The following POU6F2 variants were observed in gnomAD, a reference collection of about 807,000 sequenced individuals.
The protein encoded by POU6F2 is POU domain, class 6, transcription factor 2.
In POU6F2, 31 loss-of-function variants were observed where a neutral mutation model predicts 71.3. That is an observed-to-expected ratio of 0.43 (90% CI 0.33 to 0.59). POU6F2 has a LOEUF of 0.59. POU6F2 is among the 20% of genes least tolerant of loss of function. The pLI, the probability that POU6F2 is intolerant of heterozygous loss-of-function variation, is 0.04. For synonymous variants in POU6F2, 347 were observed against 355.7 expected (o/e 0.98, Z 0.27); for missense variants, 783 against 856.8 (o/e 0.91, Z 1.07).
intron 1 of POU6F2, chr7:39,002,220 T>C (rs750221693): frequency 1.1e-4 from 16 of 152,218 alleles, no homozygotes; most frequent in Non-Finnish European, 1.9e-4. Context: ...TAATGAATTC[T>C]AGGAGAAACA....
chr7:39,419,176 CGT>C lies in POU6F2; in HGVS notation c.1113+12437_1113+12438del, dbSNP rs1209199169. 1.5e-3 allele frequency among the ~76,000 whole-genome samples: 212 copies of C among 137,938 alleles called. 1 individual carries two copies. Among genetic ancestry groups the C allele is most frequent in the African/African-American group, 5.5e-3 (196 of 35,928 alleles). 90.5% of individuals were successfully genotyped at this position (137,938 alleles called of 152,430 possible). A position where few individuals can be genotyped will look rare whatever the true frequency, so the allele number is the denominator to read the frequency against. On this transcript the variant is annotated intron_variant, in intron 6 of 9. Transcript: ENST00000518318. ...ATGTGTATATATACACATATATATACGTATATATGTATATATTTTTTAACCCA... is the reference window on the plus strand; with the variant it reads ...ATGTGTATATATACACATATATATACATATATGTATATATTTTTTAACCCA...
chr7:39,109,631 T>C (rs1208137786), intron 2 of POU6F2, among the ~76,000 whole-genome samples: 2 of 152,184 alleles, frequency 1.3e-5, no homozygotes, highest in Non-Finnish European at 2.9e-5. Context: ...AAGTATTGTT[T>C]AGTTTGATAG....
chr7:39,456,403 T>G (rs1231290979), intron 8 of POU6F2, among the ~76,000 whole-genome samples: 1 of 152,102 alleles, frequency 6.6e-6, no homozygotes, highest in African/African-American at 2.4e-5. Context: ...AGCTGAAAAG[T>G]ATATATTCCT....
intron 5 of POU6F2, among the ~76,000 whole-genome samples, chr7:39,361,286 G>A (rs768208208): frequency 2.6e-5 from 4 of 152,160 alleles, no homozygotes; most frequent in Non-Finnish European, 4.4e-5. Context: ...TAAAACTCAG[G>A]TATTGTACTC....
intron 4 of POU6F2, among the ~76,000 whole-genome samples, chr7:39,303,296 C>T (rs1784986670): frequency 6.6e-6 from 1 of 152,080 alleles, no homozygotes; most frequent in African/African-American, 2.4e-5. Flanking sequence ...TATAGGCACC[C>T]TCCGCCGCGC....
intron 6 of POU6F2, among the ~76,000 whole-genome samples, chr7:39,412,878 G>A (rs1341811881): frequency 7.7e-6 from 1 of 129,228 alleles, no homozygotes; most frequent in East Asian, 2.6e-4. Context: ...TTGGCTCACT[G>A]CAAGCTCCGC....
chr7:39,050,426 G>A (rs1790381037), intron 1 of POU6F2, among the ~76,000 whole-genome samples: 1 of 152,102 alleles, frequency 6.6e-6, no homozygotes, highest in African/African-American at 2.4e-5. Context: ...AAAACACAGA[G>A]GTTCCTGGTA....
chr7:39,363,962 G>T (rs1266999441), intron 5 of POU6F2, among the ~76,000 whole-genome samples: 1 of 152,128 alleles, frequency 6.6e-6, no homozygotes, highest in Non-Finnish European at 1.5e-5. Context: ...GCCAACAAAT[G>T]GCATAATAGC....
chr7:38,989,491 T>C (rs1400728982), intron 1 of POU6F2, among the ~76,000 whole-genome samples: 1 of 152,070 alleles, frequency 6.6e-6, no homozygotes, highest in Non-Finnish European at 1.5e-5. Context: ...TTTGGGATTA[T>C]AAAATAGCAT....
chr7:39,445,245 C>G, intron 7 of POU6F2, among the ~76,000 whole-genome samples: 1 of 152,164 alleles, frequency 6.6e-6, no homozygotes, highest in East Asian at 1.9e-4. Context: ...TCTCAAGCCA[C>G]CCAGAATGAG....
chr7:39,137,474 A>G (rs1348165959), intron 2 of POU6F2, among the ~76,000 whole-genome samples: 1 of 152,240 alleles, frequency 6.6e-6, no homozygotes, highest in Non-Finnish European at 1.5e-5. Context: ...TATTTGCTAT[A>G]CAATTCCATC....
At chr7:39,284,721 A>G (rs992121346) in intron 4 of POU6F2, among the ~76,000 whole-genome samples, 1 of 152,232 alleles carries the variant, frequency 6.6e-6, no homozygotes, top group Admixed American at 6.5e-5. Context: ...CATTAAAATC[A>G]TAGCAGGTTT....
rs1217746237 is a variant in POU6F2 at position 39,015,784 on chromosome 7, GTATAT to G, written c.105+37732_105+37736del. Among the ~76,000 whole-genome samples, 283 of 83,560 alleles carry G rather than the reference GTATAT, an allele frequency of 3.4e-3. 5 individuals are homozygous for G. The highest frequency in any genetic ancestry group is 0.013 in the African/African-American group (271 of 20,204). 54.8% of individuals were successfully genotyped at this position (83,560 alleles called of 152,430 possible). A position where few individuals can be genotyped will look rare whatever the true frequency, so the allele number is the denominator to read the frequency against. The stretch of plus-strand genomic sequence containing the variant: ...AGATATATTATATATATTATATATG[GTATAT>G]TATATATAGATATATATTATATAGG... On this transcript the variant is annotated intron_variant, in intron 1 of 9. Coordinates refer to ENST00000518318, the MANE Select transcript of POU6F2 (RefSeq NM_001370959.1).
intron 5 of POU6F2, among the ~76,000 whole-genome samples, chr7:39,378,515 G>C (rs946726280): frequency 6.6e-6 from 1 of 152,140 alleles, no homozygotes; most frequent in Non-Finnish European, 1.5e-5. Flanking sequence ...GGAAGAGCGT[G>C]AACCAAGAGT....
chr7:39,313,357 C>CA (rs903802071), intron 4 of POU6F2, among the ~76,000 whole-genome samples: 4 of 152,056 alleles, frequency 2.6e-5, no homozygotes, highest in Non-Finnish European at 4.4e-5. Flanking sequence ...CCAATACCCC[C>CA]AACACCCTCT....
At chr7:39,331,573 T>G (rs545537778) in intron 4 of POU6F2, among the ~76,000 whole-genome samples, 1 of 152,286 alleles carries the variant, frequency 6.6e-6, no homozygotes, top group South Asian at 2.1e-4. Context: ...AGTGGTGCGA[T>G]CTCGGCTCAC....
intron 2 of POU6F2, among the ~76,000 whole-genome samples, chr7:39,181,705 C>A (rs1317804484): frequency 6.6e-6 from 1 of 152,144 alleles, no homozygotes; most frequent in African/African-American, 2.4e-5. Flanking sequence ...TCACAACCAC[C>A]CCTCTCCAAC....
At chr7:39,337,455 T>G (rs1198259496) in intron 4 of POU6F2, among the ~76,000 whole-genome samples, 1 of 152,180 alleles carries the variant, frequency 6.6e-6, no homozygotes, top group African/African-American at 2.4e-5. Flanking sequence ...GTCTTTAACC[T>G]TCCCTGCTTA....
At chr7:39,194,829 C>A (rs1793749996) in intron 2 of POU6F2, among the ~76,000 whole-genome samples, 1 of 152,170 alleles carries the variant, frequency 6.6e-6, no homozygotes, top group African/African-American at 2.4e-5. Flanking sequence ...ACCACGAACC[C>A]CCCCGGGGAG....
Sources: allele counts gnomAD v4.1 joint callset (sites outside exome capture counted in the v4.1 genomes callset), GRCh38; gene constraint gnomAD v4.1.1; transcripts MANE v1.5; gene names NCBI Gene and HGNC (gene_info 2026-07-23, HGNC 2026-07-21).